Variants in KCNT2 observed in about 807,000 individuals in gnomAD.
The protein encoded by KCNT2 is potassium sodium-activated channel subfamily T member 2.
Under a neutral mutation model 153.8 loss-of-function variants are expected in KCNT2, and 67 were observed. The ratio of observed to expected loss-of-function variants is 0.44; its 90% CI spans 0.36 to 0.53. KCNT2 has a LOEUF of 0.53. KCNT2 is among the 20% of genes least tolerant of loss of function. The probability of loss-of-function intolerance (pLI) is 0.00; values close to 1 mark genes in which losing one functional copy is unlikely to be tolerated. For missense variants in KCNT2, 975 were observed against 1,354.8 expected (o/e 0.72, Z 4.40); for synonymous variants, 500 against 458.8 (o/e 1.09, Z -1.15).
At chr1:196,520,392 G>T (rs987827602) in intron 1 of KCNT2, among the ~76,000 whole-genome samples, 1 of 151,712 alleles carries the variant, frequency 6.6e-6, no homozygotes, top group Non-Finnish European at 1.5e-5. Flanking sequence ...TTGAAAATTG[G>T]CACAAGAGAA....
chr1:196,346,580 C>T (rs1572117586), intron 14 of KCNT2, among the ~76,000 whole-genome samples: 1 of 149,370 alleles, frequency 6.7e-6, no homozygotes, highest in African/African-American at 2.5e-5. Flanking sequence ...ATAAGATAAT[C>T]CCCTCTCATT....
rs1660771487 is a variant in KCNT2, at chr1:196,571,510, AGTTT to A, written c.95+36701_95+36704del. ...ATCTCCAAGGGACTGAAGTTAAGTT[AGTTT>A]GTCAATACAAGTCAAAATTGTTCTT... On this transcript the variant is annotated intron_variant, in intron 1 of 27. Transcript: ENST00000294725. Among the ~76,000 whole-genome samples the A allele has an allele frequency of 5.3e-5, 8 of 152,260 alleles. No individual in the cohort carries two copies. In the South Asian group the frequency reaches 1.7e-3, roughly 32 times the overall value.
intron 25 of KCNT2, chr1:196,273,413 C>A (rs898500052): frequency 3.4e-6 from 4 of 1,185,126 alleles, no homozygotes; most frequent in Non-Finnish European, 4.8e-6. Flanking sequence ...TTTAATAGCT[C>A]TGAATTAATA....
At position 196,264,678 on chromosome 1, in the gene KCNT2, G is replaced by A. The variant is rs538634782; in HGVS notation, c.2911-6184C>T. ...GACAGGGTCTTGCTCTGTTGCCTAGGCTGGAGGGCAGTGGCAGGATCTCTG... is the reference window on the plus strand; with the variant it reads ...GACAGGGTCTTGCTCTGTTGCCTAGACTGGAGGGCAGTGGCAGGATCTCTG... On this transcript the variant is annotated intron_variant, in intron 25 of 27. Transcript: ENST00000294725. Among the ~76,000 whole-genome samples, 3 of 151,710 alleles carry A rather than the reference G, an allele frequency of 2.0e-5. No individual in the cohort carries two copies. In the East Asian group the frequency reaches 5.8e-4, roughly 29 times the overall value.
At chr1:196,543,868 A>G (rs1368801227) in intron 1 of KCNT2, among the ~76,000 whole-genome samples, 2 of 152,188 alleles carry the variant, frequency 1.3e-5, no homozygotes, top group Non-Finnish European at 2.9e-5. Context: ...GAACTGCCAC[A>G]TAATCCAGCA....
intron 25 of KCNT2, among the ~76,000 whole-genome samples, chr1:196,264,418 G>A (rs1417251510): frequency 6.6e-6 from 1 of 151,938 alleles, no homozygotes; most frequent in Non-Finnish European, 1.5e-5. Flanking sequence ...AGAAATTTAA[G>A]TCTTCTCCAT....
At chr1:196,599,142 G>A (rs1336909099) in intron 1 of KCNT2, among the ~76,000 whole-genome samples, 1 of 152,212 alleles carries the variant, frequency 6.6e-6, no homozygotes, top group Non-Finnish European at 1.5e-5. Context: ...ATCCCTAGGG[G>A]ACAGAGTAGT....
intron 18 of KCNT2, among the ~76,000 whole-genome samples, chr1:196,330,084 T>C (rs1237415845): frequency 6.7e-6 from 1 of 149,016 alleles, no homozygotes; most frequent in African/African-American, 2.5e-5. Flanking sequence ...GAATCATCCA[T>C]CTCAATGGGC....
intron 1 of KCNT2, among the ~76,000 whole-genome samples, chr1:196,556,196 C>T (rs189951113): frequency 1.7e-4 from 26 of 151,486 alleles, no homozygotes; most frequent in Non-Finnish European, 3.3e-4. Flanking sequence ...AAGAAGCAGT[C>T]AACAAAGTGA....
intron 25 of KCNT2, among the ~76,000 whole-genome samples, chr1:196,271,158 T>C (rs1658027838): frequency 6.6e-6 from 1 of 151,922 alleles, no homozygotes; most frequent in African/African-American, 2.4e-5. Flanking sequence ...ATGCTTTAAT[T>C]AAAGAAAAGA....
rs778987960 is a variant in KCNT2 at position 196,489,925 on chromosome 1, C to T, written c.188G>A (p.Arg63His). The change falls in exon 3 of 28, where the codon CGC becomes CAC. Residue 63 changes from arginine to histidine, a missense_variant. Physicochemically the swap from Arg to His is conservative, Grantham distance 29 (BLOSUM62 0). This residue lies in a region of KCNT2 where 140 missense variants were observed against 216.0 expected (regional missense o/e 0.65). Transcript: ENST00000294725. ...TAATTTGAGAGAAAAATTGAACAGG[C>T]GTATCCTTAGACCTTTAAACAAATG... The part of the protein sequence containing the change: ...IKNQRSSLRI[R>H]LFNFSLKLLS... 1.9e-6 allele frequency: 3 copies of T among 1,551,260 alleles called. No homozygotes were observed. Among genetic ancestry groups the T allele is most frequent in the East Asian group, 2.3e-5 (1 of 43,444 alleles).
rs74136526 is a variant in KCNT2, at chr1:196,363,610, G to A, written c.1403+9530C>T. ...ATTAACATCCTATGGCTGGAGAATG[G>A]GTTTGTTATAAACATGAGTTCACCC... On this transcript the variant is annotated intron_variant, in intron 14 of 27. Transcript: ENST00000294725. Among the ~76,000 whole-genome samples the A allele has an allele frequency of 3.1e-3, 474 of 152,162 alleles. 3 individuals are homozygous for A. The highest frequency in any genetic ancestry group is 0.011 in the African/African-American group (459 of 41,552).
chr1:196,287,143 G>A (rs566603247), intron 22 of KCNT2, among the ~76,000 whole-genome samples: 3 of 152,124 alleles, frequency 2.0e-5, no homozygotes, highest in South Asian at 4.2e-4. Context: ...ATAGGAAAGC[G>A]GTTCCACATT....
chr1:196,527,881 T>G (rs1654448815), intron 1 of KCNT2, among the ~76,000 whole-genome samples: 1 of 152,212 alleles, frequency 6.6e-6, no homozygotes, highest in Non-Finnish European at 1.5e-5. Context: ...CTCCTGCTAA[T>G]GTACCAAATT....
intron 1 of KCNT2, among the ~76,000 whole-genome samples, chr1:196,538,394 C>A (rs547565314): frequency 6.6e-6 from 1 of 152,020 alleles, no homozygotes; most frequent in Non-Finnish European, 1.5e-5. Context: ...TAAGGGGAGT[C>A]GGTGAAGTGG....
chr1:196,299,666 A>G (rs1177193636), intron 22 of KCNT2, among the ~76,000 whole-genome samples: 1 of 152,188 alleles, frequency 6.6e-6, no homozygotes, highest in East Asian at 1.9e-4. Context: ...AATGCAGAGT[A>G]GTACAGCAAT....
chr1:196,584,993 G>T (rs1558107001), intron 1 of KCNT2, among the ~76,000 whole-genome samples: 1 of 152,030 alleles, frequency 6.6e-6, no homozygotes, highest in Middle Eastern at 3.2e-3. Context: ...GCACACATGT[G>T]TTCTGCTCAG....
At chr1:196,273,735 AG>A (rs1490750662) in intron 25 of KCNT2, among the ~76,000 whole-genome samples, 1 of 151,750 alleles carries the variant, frequency 6.6e-6, no homozygotes, top group Non-Finnish European at 1.5e-5. Flanking sequence ...CCATTGTAAT[AG>A]TAGAGTGTTA....
At chr1:196,271,978 G>A (rs554994235) in intron 25 of KCNT2, among the ~76,000 whole-genome samples, 4 of 152,024 alleles carry the variant, frequency 2.6e-5, no homozygotes, top group Non-Finnish European at 4.4e-5. Flanking sequence ...AGAATTACTT[G>A]CTTTTAACAC....
Sources: gnomAD v4.1 joint callset for allele counts (sites outside exome capture counted in the v4.1 genomes callset) on GRCh38, gnomAD v4.1.1 for gene constraint, gnomAD v4.1.1 regional missense constraint, MANE v1.5 for transcripts, NCBI Gene and HGNC (gene_info 2026-07-23, HGNC 2026-07-21) for gene names.